TSR1: variants seen among roughly 807,000 people sequenced by gnomAD.
TSR1 encodes the protein TSR1 ribosome maturation factor.
A neutral mutation model predicts 90.9 loss-of-function variants in TSR1; 81 were observed. The observed-to-expected ratio is 0.89, with a 90% confidence interval of 0.74 to 1.07. TSR1 has a LOEUF of 1.07. TSR1 is among the 50% of genes least tolerant of loss of function. The probability of loss-of-function intolerance (pLI) is 0.00; values close to 1 mark genes in which losing one functional copy is unlikely to be tolerated. For missense variants in TSR1, 989 were observed against 987.3 expected (o/e 1.00, Z -0.02); for synonymous variants, 362 against 348.8 (o/e 1.04, Z -0.42).
chr17:2,334,649 CA>C lies in TSR1; in HGVS notation c.803del (p.Leu268TrpfsTer5), dbSNP rs753929522. 6.2e-6 allele frequency: 10 copies of C among 1,613,266 alleles called. No homozygotes were observed. Among genetic ancestry groups the C allele is most frequent in the Non-Finnish European group, 8.5e-6 (10 of 1,179,714 alleles). The stretch of plus-strand genomic sequence containing the variant: ...AGCCTGAAATTTTCAAGGTGCCCAC[CA>C]AGTTATTCTCTTCACTAGGAACAAA... ...VDFVPSEENNLVGTLKISGYV... is the reference protein window; with the variant it reads ...VDFVPSEENNXVGTLKISGYV... On this transcript the variant is annotated frameshift_variant, in exon 5 of 15. Transcript: ENST00000301364. LOFTEE classifies it high-confidence loss of function.
chr17:2,325,516 C>T (rs893300337), intron 11 of TSR1, 96 bp from the exon 12 acceptor site: 2 of 904,854 alleles, frequency 2.2e-6, no homozygotes, highest in African/African-American at 3.4e-5. Flanking sequence ...ACTCTTAAAC[C>T]TATGGCAGCT....
chr17:2,334,943 T>A, intron 4 of TSR1, 47 bp from the exon 5 acceptor site: 1 of 1,556,138 alleles, frequency 6.4e-7, no homozygotes, highest in Non-Finnish European at 8.7e-7. Flanking sequence ...CTTCATTACA[T>A]AAAAATCCCT....
rs1159708600 is a variant in TSR1, at chr17:2,336,423, G to A, written c.5C>T (p.Ala2Val). The A allele has an allele frequency of 3.1e-6, 5 of 1,610,208 alleles. No homozygotes were observed. Among genetic ancestry groups the A allele is most frequent in the African/African-American group, 1.3e-5 (1 of 74,988 alleles). The change falls in exon 1 of 15, where the codon GCG becomes GTG. Residue 2 changes from alanine (A) to valine (V), a missense_variant. Ala to Val is a moderately conservative substitution (Grantham distance 64). Transcript: ENST00000301364. The stretch of plus-strand genomic sequence containing the variant: ...CTTGAGCGGGCCGGGGCGGTGGGCC[G>A]CCATGCCGCAGCGCGCGTGTACGGA... Reference protein sequence around the residue: MAAHRPGPLKQQ... With the variant: MVAHRPGPLKQQ...
Position 2,335,629 on chromosome 17 carries a change from C to G in TSR1, c.303G>C (p.Gln101His). 2 of 1,614,204 alleles carry G rather than the reference C, an allele frequency of 1.2e-6. No homozygotes were observed. Among genetic ancestry groups the G allele is most frequent in the Non-Finnish European group, 1.7e-6 (2 of 1,180,042 alleles). ...HSRISLPEAM[Q>H]LLQDRDTGTV... ...TTCCAGTGTCCCTATCTTGAAGCAG[C>G]TGCATGGCCTCTGGCAGGGAAATTC... The change falls in exon 3 of 15, where the codon CAG becomes CAC. Residue 101 changes from glutamine (Q) to histidine (H), a missense_variant. Coordinates refer to ENST00000301364, the MANE Select transcript of TSR1 (RefSeq NM_018128.5).
In TSR1 at chr17:2,335,739, A is replaced by C; in HGVS notation, c.202-9T>G. 1 of 1,611,148 alleles carries C rather than the reference A, an allele frequency of 6.2e-7. No individual in the cohort carries two copies. Among genetic ancestry groups the C allele is most frequent in the Non-Finnish European group, 8.5e-7 (1 of 1,179,438 alleles). On this transcript the variant is annotated splice_polypyrimidine_tract_variant and intron_variant, in intron 2 of 14. Transcript: ENST00000301364. ...CTCTTCTCTGCCAGAACCTGAAAAT[A>C]GAAAGATATCCGAGAACATCTCAGT...
intron 10 of TSR1, 113 bp from the exon 11 acceptor site, chr17:2,329,588 T>G: frequency 7.9e-7 from 1 of 1,272,840 alleles, no homozygotes; most frequent in Non-Finnish European, 1.1e-6. Flanking sequence ...GAACTGACAA[T>G]GCTAATTAAT....
At chr17:2,326,320 A>G (rs973418077) in intron 11 of TSR1, among the ~76,000 whole-genome samples, 2 of 152,196 alleles carry the variant, frequency 1.3e-5, no homozygotes, top group Non-Finnish European at 2.9e-5. Context: ...GCTGAGAGTG[A>G]GTGAACTAGG....
At position 2,323,598 on chromosome 17, in the gene TSR1, T is replaced by C. The variant is rs888208636; in HGVS notation, c.*598A>G. ...GACACGTATTCTCATCTGAACTTTA[T>C]AGGTAAACCAACTAGACTCCCCTTT... On this transcript the variant is annotated 3_prime_UTR_variant, in exon 15 of 15. Coordinates refer to ENST00000301364, the MANE Select transcript of TSR1 (RefSeq NM_018128.5). The C allele has an allele frequency of 4.5e-6, 7 of 1,564,136 alleles. No homozygotes were observed. Among genetic ancestry groups the C allele is most frequent in the South Asian group, 3.4e-5 (3 of 89,246 alleles).
At chr17:2,333,211 C>T in intron 6 of TSR1, 87 bp from the exon 7 acceptor site, 1 of 1,451,844 alleles carries the variant, frequency 6.9e-7, no homozygotes, top group Non-Finnish European at 9.5e-7. Flanking sequence ...GCACCAGATA[C>T]TGCTGCCAAC....
At chr17:2,333,846 C>A in intron 5 of TSR1, 130 bp from the exon 6 acceptor site, 1 of 1,161,216 alleles carries the variant, frequency 8.6e-7, no homozygotes, top group Non-Finnish European at 1.2e-6. Flanking sequence ...TAAAACTTGT[C>A]AAAACTTTTC....
At chr17:2,329,294 C>A (rs764351296) in intron 11 of TSR1, 49 bp downstream of exon 11, 2 of 1,611,792 alleles carry the variant, frequency 1.2e-6, no homozygotes, top group Admixed American at 3.3e-5. Context: ...CCACAAGTCA[C>A]TTTCCCAAAA....
At chr17:2,324,984 T>A (rs2075566938) in intron 12 of TSR1, 155 bp from the exon 13 acceptor site, 1 of 786,204 alleles carries the variant, frequency 1.3e-6, no homozygotes, top group Non-Finnish European at 1.9e-6. Flanking sequence ...AGCCCACACT[T>A]AACCTTGTCA....
At chr17:2,332,773 C>T (rs2064015988) in intron 7 of TSR1, among the ~76,000 whole-genome samples, 188 bp downstream of exon 7, 1 of 151,734 alleles carries the variant, frequency 6.6e-6, no homozygotes, top group South Asian at 2.1e-4. Flanking sequence ...GGAGGGAGAG[C>T]TTGCAGTGAG....
chr17:2,327,993 G>A (rs756542364), intron 11 of TSR1, among the ~76,000 whole-genome samples: 1 of 152,040 alleles, frequency 6.6e-6, no homozygotes, highest in African/African-American at 2.4e-5. Flanking sequence ...GCTCACGCCT[G>A]TAATCCCAGC....
At chr17:2,328,967 A>T (rs2075590348) in intron 11 of TSR1, 1 of 265,754 alleles carries the variant, frequency 3.8e-6, no homozygotes, top group Non-Finnish European at 7.5e-6. Flanking sequence ...AAACAAGATT[A>T]AATCTTACCT....
At chr17:2,326,698 G>A (rs2075577881) in intron 11 of TSR1, among the ~76,000 whole-genome samples, 1 of 152,172 alleles carries the variant, frequency 6.6e-6, no homozygotes, top group South Asian at 2.1e-4. Context: ...TGTGAACACA[G>A]CTCACTGGAG....
intron 11 of TSR1, among the ~76,000 whole-genome samples, chr17:2,325,910 TGTATCA>T (rs1353499134): frequency 6.6e-6 from 1 of 152,072 alleles, no homozygotes; most frequent in Admixed American, 6.6e-5. Flanking sequence ...CGCGCCAGGC[TGTATCA>T]GTAACTTTTT....
Position 2,330,964 on chromosome 17 carries a change from CT to C in TSR1, c.1641del (p.Glu548ArgfsTer32). Reference sequence around the variant, plus strand: ...ATAGATACCTCAGCTCCTTCAACCTCTTTTTCTTCAACCTCTTTAAAGATGC... The same window carrying C: ...ATAGATACCTCAGCTCCTTCAACCTCTTTTCTTCAACCTCTTTAAAGATGC... The part of the protein sequence containing the change: ...RKSIFKEVEE[K>X]EVEGAEVGWY... On this transcript the variant is annotated frameshift_variant, in exon 9 of 15. Transcript: ENST00000301364. LOFTEE classifies it high-confidence loss of function. 1.3e-6 allele frequency: 2 copies of C among 1,592,836 alleles called. No individual in the cohort carries two copies. The highest frequency in any genetic ancestry group is 1.2e-5 in the South Asian group (1 of 86,556).
At chr17:2,334,990 G>A (rs2064041427) in intron 4 of TSR1, 94 bp from the exon 5 acceptor site, 1 of 1,361,462 alleles carries the variant, frequency 7.3e-7, no homozygotes, top group Non-Finnish European at 9.9e-7. Context: ...TCAGTTGCAA[G>A]CCCAGAGATC....
Sources: gnomAD v4.1 joint callset for allele counts (sites outside exome capture counted in the v4.1 genomes callset) on GRCh38, gnomAD v4.1.1 for gene constraint, MANE v1.5 for transcripts, NCBI Gene and HGNC (gene_info 2026-07-23, HGNC 2026-07-21) for gene names.